Variants in CNTN3 observed in about 807,000 individuals in gnomAD.
The protein encoded by CNTN3 is contactin-3.
In CNTN3, 60 loss-of-function variants were observed where a neutral mutation model predicts 119.1. The observed-to-expected ratio is 0.50, with a 90% confidence interval of 0.41 to 0.62. CNTN3 has a LOEUF of 0.62. Among genes scored for constraint, CNTN3 ranks in the 20% least tolerant of loss-of-function variants. The pLI is 0.00. For missense variants in CNTN3, 1,101 were observed against 1,242.4 expected, an observed-to-expected ratio of 0.89 and a Z score of 1.71; for synonymous variants, 450 against 438.7, an observed-to-expected ratio of 1.03 and a Z score of -0.32.
At chr3:74,460,413 C>T (rs1702343198) in intron 4 of CNTN3, among the ~76,000 whole-genome samples, 1 of 151,904 alleles carries the variant, frequency 6.6e-6, no homozygotes, top group Non-Finnish European at 1.5e-5. Context: ...AATCTATGAA[C>T]ATGGTATGTC....
chr3:74,269,294 A>T (rs1018301006), intron 20 of CNTN3, among the ~76,000 whole-genome samples: 1 of 152,220 alleles, frequency 6.6e-6, no homozygotes, highest in East Asian at 1.9e-4. Context: ...AAAATAAATG[A>T]ATTTAATGCC....
intron 11 of CNTN3, among the ~76,000 whole-genome samples, chr3:74,345,114 A>C (rs1044841671): frequency 1.9e-4 from 29 of 152,126 alleles, no homozygotes; most frequent in African/African-American, 7.0e-4. Flanking sequence ...GTTCCTTACA[A>C]ATTATCTTGC....
At chr3:74,292,771 G>A (rs1702258514) in intron 19 of CNTN3, among the ~76,000 whole-genome samples, 1 of 152,130 alleles carries the variant, frequency 6.6e-6, no homozygotes, top group South Asian at 2.1e-4. Flanking sequence ...GATTTGCTAT[G>A]GGACTGGCCT....
intron 13 of CNTN3, among the ~76,000 whole-genome samples, chr3:74,312,528 G>C (rs1702716710): frequency 6.9e-6 from 1 of 145,448 alleles, no homozygotes; most frequent in East Asian, 2.1e-4. Flanking sequence ...GGTTTTCTAA[G>C]AGTCTAGGAG....
rs377688734 is a variant in CNTN3, at chr3:74,361,791, A to C, written c.1364+99T>G. On this transcript the variant is annotated intron_variant, in intron 11 of 22. Transcript: ENST00000263665. The stretch of plus-strand genomic sequence containing the variant: ...TTCTTAAAGATCTCACATGCTACTG[A>C]AATGCTATTTTGTTTCATTTCATAT... 3.7e-5 allele frequency: 46 copies of C among 1,255,088 alleles called. No individual in the cohort carries two copies. The African/African-American group carries it at 6.2e-4, about 17-fold the overall frequency. The allele number at this position is 1,255,088 out of a possible 1,614,324, so 77.7% of individuals were successfully genotyped here. A position where few individuals can be genotyped will look rare whatever the true frequency, so the allele number is the denominator to read the frequency against.
At chr3:74,358,648 T>C (rs574295148) in intron 11 of CNTN3, among the ~76,000 whole-genome samples, 74 of 150,848 alleles carry the variant, frequency 4.9e-4, no homozygotes, top group African/African-American at 1.7e-3. Context: ...TTAGGGTACA[T>C]GTGCACATTG....
intron 2 of CNTN3, among the ~76,000 whole-genome samples, chr3:74,517,022 C>G (rs760680939): frequency 1.6e-4 from 24 of 151,822 alleles, no homozygotes; most frequent in Non-Finnish European, 3.1e-4. Context: ...CCTGAGGGCC[C>G]CAGAGGAAGT....
intron 1 of CNTN3, among the ~76,000 whole-genome samples, chr3:74,569,925 G>C (rs1428843513): frequency 1.3e-5 from 2 of 152,112 alleles, no homozygotes; most frequent in Non-Finnish European, 2.9e-5. Context: ...GTTGGACAAA[G>C]GCCAATCTTA....
intron 5 of CNTN3, among the ~76,000 whole-genome samples, chr3:74,423,002 A>G (rs1701640950): frequency 6.6e-6 from 1 of 152,172 alleles, no homozygotes; most frequent in African/African-American, 2.4e-5. Flanking sequence ...CTTCATTAGG[A>G]TATTTAGCAT....
chr3:74,366,936 C>G (rs1041429777), intron 8 of CNTN3, among the ~76,000 whole-genome samples: 1 of 148,074 alleles, frequency 6.8e-6, no homozygotes, highest in African/African-American at 2.5e-5. Flanking sequence ...ACACATCAGC[C>G]TCTTATAGAG....
chr3:74,522,605 CA>C (rs1703559303), intron 1 of CNTN3, among the ~76,000 whole-genome samples: 1 of 151,770 alleles, frequency 6.6e-6, no homozygotes, highest in Non-Finnish European at 1.5e-5. Flanking sequence ...AGCCTTCTAA[CA>C]CCATGGGTGA....
intron 2 of CNTN3, among the ~76,000 whole-genome samples, chr3:74,513,149 C>A (rs528393920): frequency 5.9e-5 from 9 of 152,116 alleles, no homozygotes; most frequent in Admixed American, 2.6e-4. Flanking sequence ...CCCTTTAAAT[C>A]AAAAAAGTTT....
intron 1 of CNTN3, among the ~76,000 whole-genome samples, chr3:74,574,687 T>C (rs1450638656): frequency 6.6e-6 from 1 of 152,202 alleles, no homozygotes; most frequent in Non-Finnish European, 1.5e-5. Flanking sequence ...AATAATCACC[T>C]TTGGAACCAT....
intron 13 of CNTN3, among the ~76,000 whole-genome samples, chr3:74,313,435 T>A: frequency 6.7e-6 from 1 of 148,932 alleles, no homozygotes. Flanking sequence ...CCACAGAAAA[T>A]GAAAGATTAA....
At position 74,358,664 on chromosome 3, in the gene CNTN3, G is replaced by C. The variant is rs563197718; in HGVS notation, c.1364+3226C>G. On this transcript the variant is annotated intron_variant, in intron 11 of 22. Transcript: ENST00000263665. ...TAGGGTACATGTGCACATTGTGCAA[G>C]TTAGTTACATATGTATACATGTGAC... Among the ~76,000 whole-genome samples the C allele has an allele frequency of 2.9e-3, 436 of 149,362 alleles. 2 individuals are homozygous for C. Among genetic ancestry groups the C allele is most frequent in the African/African-American group, 0.01 (408 of 40,534 alleles).
chr3:74,288,549 T>A (rs1464492291), intron 19 of CNTN3, among the ~76,000 whole-genome samples: 1 of 152,204 alleles, frequency 6.6e-6, no homozygotes, highest in East Asian at 1.9e-4. Context: ...CAATGAAGTT[T>A]AAGTTTGGCA....
intron 4 of CNTN3, among the ~76,000 whole-genome samples, chr3:74,445,453 G>A (rs540708798): frequency 7.8e-4 from 118 of 151,992 alleles, no homozygotes; most frequent in Non-Finnish European, 1.1e-3. Context: ...TAGTAGAGAC[G>A]GGGTTTCACC....
chr3:74,358,628 A>G (rs1197869321), intron 11 of CNTN3, among the ~76,000 whole-genome samples: 2 of 83,894 alleles, frequency 2.4e-5, no homozygotes, highest in Non-Finnish European at 4.9e-5. Flanking sequence ...TTTTTATTGT[A>G]CTTTAAGTTT....
Position 74,593,339 on chromosome 3 carries a change from G to A in CNTN3, c.-81+21052C>T, listed in dbSNP as rs1159618237. Among the ~76,000 whole-genome samples, 5 of 151,976 alleles carry A rather than the reference G, an allele frequency of 3.3e-5. No homozygotes were observed. In the East Asian group the frequency reaches 7.8e-4, roughly 24 times the overall value. Reference sequence around the variant, plus strand: ...CAAACTCTATTTTCTCTATTGTTTCGTAACAGCTTCTGGTACAAAGGTGAT... The same window carrying A: ...CAAACTCTATTTTCTCTATTGTTTCATAACAGCTTCTGGTACAAAGGTGAT... On this transcript the variant is annotated intron_variant, in intron 1 of 22. Transcript: ENST00000263665.
Sources: allele counts gnomAD v4.1 joint callset (sites outside exome capture counted in the v4.1 genomes callset), GRCh38; gene constraint gnomAD v4.1.1; transcripts MANE v1.5; gene names NCBI Gene and HGNC (gene_info 2026-07-23, HGNC 2026-07-21).